Variants in SRRM2 observed in about 807,000 individuals in gnomAD.
SRRM2 encodes the protein serine/arginine repetitive matrix 2, also known as serine/arginine repetitive matrix protein 2.
A neutral mutation model predicts 213.8 loss-of-function variants in SRRM2; 30 were observed. The observed-to-expected ratio is 0.14, with a 90% CI of 0.10 to 0.19. The LOEUF (loss-of-function observed/expected upper bound fraction) is 0.19, where lower values mean the gene tolerates loss of function less well. Among genes scored for constraint, SRRM2 ranks in the 10% least tolerant of loss-of-function variants. SRRM2 has a pLI of 1.00. For synonymous variants in SRRM2, 2,025 were observed against 1,377.7 expected, an observed-to-expected ratio of 1.47 and a Z score of -10.40; for missense variants, 4,904 against 3,647.0, an observed-to-expected ratio of 1.34 and a Z score of -8.88.
chr16:2,765,373 G>A lies in SRRM2; in HGVS notation c.4845G>A (p.Gln1615=). ...AGCCAAGAGCAGCACCCAGGGCACA[G>A]AGTGGTTCTGATTCCTCTCCTGAAC... The part of the protein sequence containing the change: ...KDKPRAAPRA[Q]SGSDSSPEPK... Residue 1615 remains glutamine (Q), a synonymous_variant, in exon 11 of 15, where the codon CAG becomes CAA. Transcript: ENST00000301740. The A allele has an allele frequency of 6.2e-7, 1 of 1,614,192 alleles. No individual in the cohort carries two copies. Among genetic ancestry groups the A allele is most frequent in the Non-Finnish European group, 8.5e-7 (1 of 1,180,052 alleles).
rs1408781156 is a variant in SRRM2, at chr16:2,759,251, C to T, written c.689+79C>T. 5 of 1,601,526 alleles carry T rather than the reference C, an allele frequency of 3.1e-6. No homozygotes were observed. In the African/African-American group the frequency reaches 4.1e-5, roughly 13 times the overall value. On this transcript the variant is annotated intron_variant, in intron 7 of 14. Transcript: ENST00000301740. ...TTTTTCTTGGAGTGAAGCTCAATTC[C>T]TTGATCTTCCTTGTGTCAACACTCC...
Position 2,770,855 on chromosome 16 carries a change from C to T in SRRM2, c.8250-3C>T, listed in dbSNP as rs532072877. On this transcript the variant is annotated splice_polypyrimidine_tract_variant and splice_region_variant and intron_variant, in intron 14 of 14. Transcript: ENST00000301740. Reference sequence around the variant, plus strand: ...CCCTGTTGACCCATATCTTCTCTTGCAGGTCTCCATAAATTGTCTTTGGGG... The same window carrying T: ...CCCTGTTGACCCATATCTTCTCTTGTAGGTCTCCATAAATTGTCTTTGGGG... 12 of 1,614,054 alleles carry T rather than the reference C, an allele frequency of 7.4e-6. No homozygotes were observed. In the East Asian group the frequency reaches 1.6e-4, roughly 21 times the overall value.
At position 2,761,968 on chromosome 16, in the gene SRRM2, G is replaced by A. The variant is rs775651032; in HGVS notation, c.1440G>A (p.Arg480=). The change falls in exon 11 of 15, where the codon AGG becomes AGA. Residue 480 remains arginine, a synonymous_variant. Coordinates refer to ENST00000301740, the MANE Select transcript of SRRM2 (RefSeq NM_016333.4). The stretch of plus-strand genomic sequence containing the variant: ...CACATTCTCATACCCCCTCCCGTAG[G>A]ATGGGGAGGTCCCGTAGCCCTGCCA... The part of the protein sequence containing the change: ...DKSHSHTPSR[R]MGRSRSPATA... The A allele has an allele frequency of 5.0e-6, 8 of 1,614,006 alleles. 1 individual carries two copies. In the South Asian group the frequency reaches 8.8e-5, roughly 18 times the overall value.
intron 9 of SRRM2, chr16:2,759,881 C>A (rs932331296): frequency 1.8e-5 from 10 of 553,522 alleles, no homozygotes; most frequent in Non-Finnish European, 2.9e-5. Flanking sequence ...ATTTTTGTTT[C>A]GTTCTGATGT....
intron 1 of SRRM2, among the ~76,000 whole-genome samples, chr16:2,754,085 CT>C (rs1016332157): frequency 6.6e-6 from 1 of 152,176 alleles, no homozygotes; most frequent in African/African-American, 2.4e-5. Context: ...TATCCACTGT[CT>C]ATGGCCCCCA....
rs1279579577 is a variant in SRRM2, at chr16:2,762,861, G to C, written c.2333G>C (p.Ser778Thr). The C allele has an allele frequency of 6.2e-7, 1 of 1,614,176 alleles. No individual in the cohort carries two copies. Among genetic ancestry groups the C allele is most frequent in the East Asian group, 2.2e-5 (1 of 44,880 alleles). The stretch of plus-strand genomic sequence containing the variant: ...AAATCTCGCTTGTCTTTGAGGCGCA[G>C]CCTTTCAGGGTCTTCCCCATGCCCT... ...KAKSRLSLRR[S>T]LSGSSPCPKQ... is the part of the protein sequence containing the mutation. The change falls in exon 11 of 15, where the codon AGC becomes ACC. Residue 778 changes from serine (S) to threonine (T), a missense_variant. By Grantham distance (58) the Ser-to-Thr change is moderately conservative (BLOSUM62 1). Transcript: ENST00000301740.
At chr16:2,757,736 C>T (rs541229102) in intron 3 of SRRM2, 45 bp from the exon 4 acceptor site, 7 of 1,607,422 alleles carry the variant, frequency 4.4e-6, no homozygotes, top group Non-Finnish European at 6.0e-6. Flanking sequence ...GAATATGGCT[C>T]TGTCCTTTAT....
chr16:2,756,683 T>A, intron 2 of SRRM2, 77 bp downstream of exon 2: 1 of 1,518,372 alleles, frequency 6.6e-7, no homozygotes, highest in Non-Finnish European at 8.8e-7. Context: ...TATAGGGAGC[T>A]TAGGGTGGTT....
chr16:2,759,141 T>A lies in SRRM2; in HGVS notation c.658T>A (p.Ser220Thr). Residue 220 changes from serine (S) to threonine (T), a missense_variant and splice_region_variant, in exon 7 of 15, where the codon TCA becomes ACA. By Grantham distance (58) the Ser-to-Thr change is moderately conservative. Transcript: ENST00000301740. ...TTTTTCTTCTCTTTTTTCCAACAGG[T>A]CAGAATCTGAGTCCAAGAAACGTAA... ...KKSSKKKKHR[S>T]ESESKKRKHR... 1 of 1,614,120 alleles carries A rather than the reference T, an allele frequency of 6.2e-7. No homozygotes were observed. Among genetic ancestry groups the A allele is most frequent in the Non-Finnish European group, 8.5e-7 (1 of 1,180,020 alleles).
At position 2,765,229 on chromosome 16, in the gene SRRM2, C is replaced by G; in HGVS notation, c.4701C>G (p.Ala1567=). The part of the protein sequence containing the change: ...SESDSSPDSK[A]KTRTPLRQRS... ...CAGACTCTTCTCCAGATTCTAAAGC[C>G]AAGACAAGAACCCCACTTCGGCAGA... The change falls in exon 11 of 15, where the codon GCC becomes GCG. Residue 1567 remains alanine (A), a synonymous_variant. Coordinates refer to ENST00000301740, the MANE Select transcript of SRRM2 (RefSeq NM_016333.4). 1 of 1,614,094 alleles carries G rather than the reference C, an allele frequency of 6.2e-7. No individual in the cohort carries two copies. Among genetic ancestry groups the G allele is most frequent in the Non-Finnish European group, 8.5e-7 (1 of 1,179,950 alleles).
intron 4 of SRRM2, 134 bp from the exon 5 acceptor site, chr16:2,758,336 A>G: frequency 1.2e-6 from 1 of 821,050 alleles, no homozygotes; most frequent in Non-Finnish European, 2.0e-6. Context: ...CTGCCACTGC[A>G]CCCCACCTGA....
Position 2,756,354 on chromosome 16 carries a change from G to A in SRRM2, c.-11G>A. The A allele has an allele frequency of 6.3e-7, 1 of 1,591,884 alleles. No individual in the cohort carries two copies. Among genetic ancestry groups the A allele is most frequent in the Non-Finnish European group, 8.5e-7 (1 of 1,172,208 alleles). On this transcript the variant is annotated 5_prime_UTR_variant, in exon 2 of 15. Coordinates refer to ENST00000301740, the MANE Select transcript of SRRM2 (RefSeq NM_016333.4). ...CTCAGGAGCGGTGGTGCCCCCCCCG[G>A]GCACGGGGCCATGTACAACGGGATC...
intron 8 of SRRM2, 48 bp from the exon 9 acceptor site, chr16:2,759,521 A>G: frequency 1.9e-6 from 3 of 1,608,714 alleles, no homozygotes; most frequent in Non-Finnish European, 2.6e-6. Context: ...AGGAGAATCC[A>G]GGGCAGGTAC....
rs749565217 is a variant in SRRM2 at position 2,765,297 on chromosome 16, G to T, written c.4769G>T (p.Arg1590Leu). The T allele has an allele frequency of 1.2e-6, 2 of 1,614,106 alleles. No homozygotes were observed. The highest frequency in any genetic ancestry group is 1.7e-6 in the Non-Finnish European group (2 of 1,180,032). The change falls in exon 11 of 15, where the codon CGA becomes CTA. Residue 1590 changes from arginine (R) to leucine (L), a missense_variant. Arg to Leu is a moderately radical substitution (Grantham distance 102). Coordinates refer to ENST00000301740, the MANE Select transcript of SRRM2 (RefSeq NM_016333.4). ...TCTCCAGAGGTTGACAGCAAATCTC[G>T]ACTATCCCCTCGGCGCAGTAGGTCT... ...GSSPEVDSKSRLSPRRSRSGS... is the reference protein window; with the variant it reads ...GSSPEVDSKSLLSPRRSRSGS...
In SRRM2 at chr16:2,762,384, C is replaced by A; in HGVS notation, c.1856C>A (p.Thr619Lys). 1 of 1,614,196 alleles carries A rather than the reference C, an allele frequency of 6.2e-7. No individual in the cohort carries two copies. Among genetic ancestry groups the A allele is most frequent in the South Asian group, 1.1e-5 (1 of 91,084 alleles). Residue 619 changes from threonine to lysine, a missense_variant, in exon 11 of 15, where the codon ACA (threonine) becomes AAA (lysine). Transcript: ENST00000301740. ...PARRGRSRSR[T>K]PARRRSRTRS... ...CGGAGGGGCAGGTCTCGGTCTAGAA[C>A]ACCTGCTAGGCGCAGATCTAGGACC...
rs749532006 is a variant in SRRM2, at chr16:2,766,596, C to T, written c.6068C>T (p.Pro2023Leu). ...CGCCGCCGCTCTAGGTCCCGGACACCTCCAGCTATTCGGCGCCGCTCTAGA... is the reference window on the plus strand; with the variant it reads ...CGCCGCCGCTCTAGGTCCCGGACACTTCCAGCTATTCGGCGCCGCTCTAGA... The part of the protein sequence containing the change: ...VTRRRSRSRT[P>L]PAIRRRSRSR... Residue 2023 changes from proline to leucine, a missense_variant, in exon 11 of 15, where the codon CCT becomes CTT. Physicochemically the swap from Pro to Leu is moderately conservative, Grantham distance 98. Transcript: ENST00000301740. The surrounding 1 kb of genome is among the most constrained non-coding windows in gnomAD (Gnocchi z 7.0). 2 of 1,614,058 alleles carry T rather than the reference C, an allele frequency of 1.2e-6. No individual in the cohort carries two copies. Among genetic ancestry groups the T allele is most frequent in the South Asian group, 2.2e-5 (2 of 91,090 alleles).
At chr16:2,760,066 G>C (rs572703155) in intron 9 of SRRM2, 2 of 580,616 alleles carry the variant, frequency 3.4e-6, no homozygotes, top group East Asian at 5.9e-5. Flanking sequence ...GGGGATGTTT[G>C]GGGGAGGTGA....
In SRRM2 at chr16:2,762,462, G is replaced by T. The variant is rs774881050; in HGVS notation, c.1934G>T (p.Gly645Val). The change falls in exon 11 of 15, where the codon GGC becomes GTC. Residue 645 changes from glycine (G) to valine (V), a missense_variant. Coordinates refer to ENST00000301740, the MANE Select transcript of SRRM2 (RefSeq NM_016333.4). Reference sequence around the variant, plus strand: ...AGTAGATCACCAGCCAGGAGAAGTGGCAGGTCACGCTCTAGAACCCCAGCT... The same window carrying T: ...AGTAGATCACCAGCCAGGAGAAGTGTCAGGTCACGCTCTAGAACCCCAGCT... ...SRSRSPARRS[G>V]RSRSRTPARR... The T allele has an allele frequency of 1.2e-6, 2 of 1,614,060 alleles. No individual in the cohort carries two copies. The highest frequency in any genetic ancestry group is 1.7e-6 in the Non-Finnish European group (2 of 1,180,002).
chr16:2,770,360 G>GC lies in SRRM2; in HGVS notation c.8035dup (p.Arg2679ProfsTer38). On this transcript the variant is annotated frameshift_variant, in exon 13 of 15. Transcript: ENST00000301740. LOFTEE classifies it high-confidence loss of function. ...CCTACTGTGTTCCCCAGGTCCCGCA[G>GC]CCCCCGGAAGCCAATAGACTCCCTC... The GC allele has an allele frequency of 6.3e-7, 1 of 1,597,956 alleles. No individual in the cohort carries two copies. Among genetic ancestry groups the GC allele is most frequent in the Non-Finnish European group, 8.5e-7 (1 of 1,172,322 alleles).
Sources: allele counts gnomAD v4.1 joint callset (sites outside exome capture counted in the v4.1 genomes callset), GRCh38; gene constraint gnomAD v4.1.1; non-coding constraint Gnocchi (gnomAD v3.1); transcripts MANE v1.5; gene names NCBI Gene and HGNC (gene_info 2026-07-23, HGNC 2026-07-21).